HTR2C: variants seen among roughly 807,000 people sequenced by gnomAD.
The protein encoded by HTR2C is 5-hydroxytryptamine (serotonin) receptor 2C, G protein-coupled.
HTR2C carries 5 observed loss-of-function variants against 21.0 expected under a neutral mutation model. That is an observed-to-expected ratio of 0.24 (90% CI 0.12 to 0.50). HTR2C has a LOEUF of 0.50. HTR2C is among the 20% of genes least tolerant of loss of function. HTR2C has a pLI of 0.98. For missense variants in HTR2C, 271 were observed against 371.2 expected, an observed-to-expected ratio of 0.73 and a Z score of 2.22; for synonymous variants, 150 against 145.3, an observed-to-expected ratio of 1.03 and a Z score of -0.23.
chrX:114,850,775 C>T (rs1249762941), intron 5 of HTR2C, among the ~76,000 whole-genome samples: 13 of 110,967 alleles, frequency 1.2e-4, no homozygotes, highest in Non-Finnish European at 2.5e-4. Flanking sequence ...CCAAATATAT[C>T]CCTAATTATA....
intron 2 of HTR2C, among the ~76,000 whole-genome samples, chrX:114,677,949 G>A (rs1931615427): frequency 9.1e-6 from 1 of 109,581 alleles, no homozygotes; most frequent in Non-Finnish European, 1.9e-5. Flanking sequence ...ATGTCCTAAA[G>A]CACTCTTTTT....
At chrX:114,860,579 T>G (rs1180555849) in intron 5 of HTR2C, among the ~76,000 whole-genome samples, 4 of 108,061 alleles carry the variant, frequency 3.7e-5, no homozygotes, top group African/African-American at 1.3e-4. Flanking sequence ...TTAAACCACT[T>G]AAACGATATA....
At chrX:114,820,506 C>G (rs1013512047) in intron 4 of HTR2C, among the ~76,000 whole-genome samples, 1 of 110,212 alleles carries the variant, frequency 9.1e-6, no homozygotes, top group African/African-American at 3.3e-5. Flanking sequence ...TTTATATATA[C>G]AGTGTTTAGC....
At chrX:114,691,836 TAAC>T (rs1556415141) in intron 2 of HTR2C, among the ~76,000 whole-genome samples, 1 of 111,741 alleles carries the variant, frequency 8.9e-6, no homozygotes, top group Non-Finnish European at 1.9e-5. Flanking sequence ...AGAAAAAAAA[TAAC>T]GTCTATATAT....
At chrX:114,737,097 GAA>G (rs1375499412) in intron 4 of HTR2C, among the ~76,000 whole-genome samples, 2 of 107,139 alleles carry the variant, frequency 1.9e-5, no homozygotes, top group Non-Finnish European at 3.9e-5. Context: ...GAGAACAAAA[GAA>G]AGCACAAAGC....
intron 2 of HTR2C, among the ~76,000 whole-genome samples, chrX:114,707,367 G>A (rs1556418446): frequency 1.8e-5 from 2 of 110,680 alleles, no homozygotes; most frequent in Admixed American, 9.7e-5. Context: ...ACTGCAGAGA[G>A]CTTTGATGGT....
intron 4 of HTR2C, among the ~76,000 whole-genome samples, chrX:114,751,800 C>A (rs2069762566): frequency 9.0e-6 from 1 of 111,594 alleles, no homozygotes; most frequent in African/African-American, 3.3e-5. Flanking sequence ...TGTATTTCCA[C>A]AATGACCTCT....
chrX:114,835,542 G>A (rs1233523364), intron 4 of HTR2C, among the ~76,000 whole-genome samples: 1 of 110,417 alleles, frequency 9.1e-6, no homozygotes, highest in African/African-American at 3.3e-5. Flanking sequence ...CTCGAGCCTT[G>A]GTTTTCAGTT....
In HTR2C at chrX:114,907,931, A is replaced by G. The variant is rs1340126626; in HGVS notation, c.*516A>G. 9.7e-5 allele frequency: 11 copies of G among 113,328 alleles called. No individual in the cohort carries two copies. The highest frequency in any genetic ancestry group is 3.6e-4 in the African/African-American group (11 of 30,882). The allele number at this position is 113,328 out of a possible 1,213,427, so 9.3% of individuals were successfully genotyped here. A position where few individuals can be genotyped will look rare whatever the true frequency, so the allele number is the denominator to read the frequency against. The stretch of plus-strand genomic sequence containing the variant: ...TAAGATAGGTTCTGCTTTCTGATAC[A>G]TCTGTCAGTGAGTCAGAGGCAGAAC... On this transcript the variant is annotated 3_prime_UTR_variant, in exon 6 of 6. Coordinates refer to ENST00000276198, the MANE Select transcript of HTR2C (RefSeq NM_000868.4).
At chrX:114,839,754 C>A (rs1396057801) in intron 4 of HTR2C, among the ~76,000 whole-genome samples, 1 of 110,552 alleles carries the variant, frequency 9.0e-6, no homozygotes, top group East Asian at 2.8e-4. Context: ...GCCTGAAGAA[C>A]CTGAGGAATT....
rs2071394130 is a variant in HTR2C, at chrX:114,908,751, G to A, written c.*1336G>A. 1 of 112,440 alleles carries A rather than the reference G, an allele frequency of 8.9e-6. No homozygotes were observed. The highest frequency in any genetic ancestry group is 3.2e-5 in the African/African-American group (1 of 30,890). The allele number at this position is 112,440 out of a possible 1,213,427, so 9.3% of individuals were successfully genotyped here. ...GTGTTGGCCATCATTTCATTCGTGGGCCTGCTGCTCTCTAAGAATTCAGTA... is the reference window on the plus strand; with the variant it reads ...GTGTTGGCCATCATTTCATTCGTGGACCTGCTGCTCTCTAAGAATTCAGTA... On this transcript the variant is annotated 3_prime_UTR_variant, in exon 6 of 6. Coordinates refer to ENST00000276198, the MANE Select transcript of HTR2C (RefSeq NM_000868.4).
chrX:114,740,667 A>G (rs2069636103), intron 4 of HTR2C, among the ~76,000 whole-genome samples: 1 of 112,056 alleles, frequency 8.9e-6, no homozygotes, highest in Non-Finnish European at 1.9e-5. Context: ...GATACAGATT[A>G]TAAACAGAAT....
At chrX:114,724,382 A>G (rs1308306346) in intron 2 of HTR2C, among the ~76,000 whole-genome samples, 3 of 101,993 alleles carry the variant, frequency 2.9e-5, no homozygotes, top group African/African-American at 7.1e-5. Context: ...ATCTTCCTCC[A>G]TCCTTTTATT....
intron 2 of HTR2C, among the ~76,000 whole-genome samples, chrX:114,692,069 T>G (rs782020770): frequency 2.7e-5 from 3 of 112,007 alleles, no homozygotes; most frequent in African/African-American, 9.7e-5. Context: ...TCAGAAGAAT[T>G]TTTATACTTC....
intron 1 of HTR2C, among the ~76,000 whole-genome samples, chrX:114,611,730 C>T (rs964871187): frequency 5.5e-4 from 61 of 111,742 alleles, no homozygotes; most frequent in Admixed American, 9.5e-4. Flanking sequence ...CGGAGTCTCG[C>T]TCTGTCGCCC....
intron 2 of HTR2C, among the ~76,000 whole-genome samples, chrX:114,678,270 GACACACACACAC>G (rs200416814): frequency 0.14 from 13,737 of 100,099 alleles, 764 homozygotes; most frequent in South Asian, 0.35. Flanking sequence ...CTCTCTGTCT[GACACACACACAC>G]ACACACACAC....
chrX:114,701,181 A>C (rs1556416685), intron 2 of HTR2C, among the ~76,000 whole-genome samples: 4 of 112,067 alleles, frequency 3.6e-5, no homozygotes, highest in Non-Finnish European at 7.5e-5. Flanking sequence ...CTTAAATGTC[A>C]CTGTCTGACA....
intron 4 of HTR2C, among the ~76,000 whole-genome samples, chrX:114,743,742 G>C: frequency 9.0e-6 from 1 of 111,719 alleles, no homozygotes; most frequent in African/African-American, 3.3e-5. Flanking sequence ...TTTGGTGAAA[G>C]AAAAATTTAG....
chrX:114,815,366 A>G (rs1487233152), intron 4 of HTR2C, among the ~76,000 whole-genome samples: 4 of 111,496 alleles, frequency 3.6e-5, no homozygotes, highest in African/African-American at 9.8e-5. Flanking sequence ...CTTTTGAATT[A>G]CCTTCAAGTA....
Sources: allele counts gnomAD v4.1 joint callset (sites outside exome capture counted in the v4.1 genomes callset), GRCh38; gene constraint gnomAD v4.1.1; transcripts MANE v1.5; gene names NCBI Gene and HGNC (gene_info 2026-07-23, HGNC 2026-07-21).